The following PM20D1 variants were observed in gnomAD, a reference collection of about 807,000 sequenced individuals.
PM20D1 encodes N-fatty-acyl-amino acid synthase/hydrolase PM20D1.
Under a neutral mutation model 53.8 loss-of-function variants are expected in PM20D1, and 53 were observed. The observed-to-expected ratio is 0.98, with a 90% CI of 0.79 to 1.24. The LOEUF (loss-of-function observed/expected upper bound fraction) is 1.24, where lower values mean the gene tolerates loss of function less well. Ranked by LOEUF, PM20D1 falls within the 50% of genes most tolerant of loss-of-function variation. PM20D1 has a pLI of 0.00. For synonymous variants in PM20D1, 239 were observed against 241.3 expected (o/e 0.99, Z 0.09); for missense variants, 564 against 616.8 (o/e 0.91, Z 0.91).
intron 12 of PM20D1, 65 bp downstream of exon 12, chr1:205,830,205 GAGCATGGGGT>G: frequency 1.7e-6 from 2 of 1,150,706 alleles, no homozygotes; most frequent in Admixed American, 3.6e-5. Flanking sequence ...GGACTGCCAG[GAGCATGGGGT>G]AGGAAAAGGA....
intron 7 of PM20D1, 106 bp downstream of exon 7, chr1:205,842,570 G>T: frequency 9.0e-7 from 1 of 1,110,746 alleles, no homozygotes; most frequent in Non-Finnish European, 1.3e-6. Flanking sequence ...GTGAGAATAG[G>T]CAGAGTGCTG....
chr1:205,843,560 C>G lies in PM20D1; in HGVS notation c.827+107G>C. On this transcript the variant is annotated intron_variant, in intron 6 of 12. Transcript: ENST00000367136. ...GTCAATTTTTTATAGCATAGTTTCC[C>G]AGCCCAACTTTAGGGCAGGAAGCTT... is the stretch of plus-strand genomic sequence containing the variant. 2.0e-6 allele frequency: 3 copies of G among 1,477,108 alleles called. No individual in the cohort carries two copies. In the South Asian group the frequency reaches 4.1e-5, roughly 20 times the overall value. The allele number at this position is 1,477,108 out of a possible 1,614,324, so 91.5% of individuals were successfully genotyped here. A position where few individuals can be genotyped will look rare whatever the true frequency, so the allele number is the denominator to read the frequency against.
At chr1:205,833,538 C>G (rs1200887097) in intron 10 of PM20D1, among the ~76,000 whole-genome samples, 1 of 152,210 alleles carries the variant, frequency 6.6e-6, no homozygotes, top group Non-Finnish European at 1.5e-5. Flanking sequence ...CAAGTTTTCT[C>G]TCTTTGCTTC....
chr1:205,844,662 A>C, intron 4 of PM20D1, 149 bp downstream of exon 4: 2 of 664,780 alleles, frequency 3.0e-6, no homozygotes, highest in Non-Finnish European at 5.0e-6. Context: ...AGGTCCTTAG[A>C]TAGTCCTGGC....
intron 2 of PM20D1, 113 bp from the exon 3 acceptor site, chr1:205,845,670 T>TAAAGGAGGATG: frequency 1.2e-6 from 1 of 854,130 alleles, no homozygotes; most frequent in Non-Finnish European, 1.8e-6. Context: ...ACATGCATCC[T>TAAAGGAGGATG]CCTTTAGGAA....
intron 11 of PM20D1, 130 bp downstream of exon 11, chr1:205,832,468 T>A (rs1291827808): frequency 1.1e-6 from 1 of 941,574 alleles, no homozygotes. Context: ...ACAGTTCTAG[T>A]CTCATCAGGA....
chr1:205,837,234 A>G (rs1478862658), intron 10 of PM20D1, among the ~76,000 whole-genome samples: 1 of 152,240 alleles, frequency 6.6e-6, no homozygotes, highest in African/African-American at 2.4e-5. Flanking sequence ...GAATGAATAA[A>G]TGAAGGAAGA....
intron 10 of PM20D1, among the ~76,000 whole-genome samples, chr1:205,838,106 T>A (rs1364447554): frequency 6.6e-6 from 1 of 152,012 alleles, no homozygotes; most frequent in Non-Finnish European, 1.5e-5. Flanking sequence ...ATTAAAGTCC[T>A]CTCTGGGGAA....
intron 10 of PM20D1, among the ~76,000 whole-genome samples, chr1:205,833,385 G>C (rs913265283): frequency 1.3e-5 from 2 of 152,206 alleles, no homozygotes; most frequent in African/African-American, 2.4e-5. Flanking sequence ...CAGCCTCGGA[G>C]AACCTCAGAC....
intron 10 of PM20D1, among the ~76,000 whole-genome samples, chr1:205,836,056 A>G (rs931335308): frequency 6.6e-6 from 1 of 151,966 alleles, no homozygotes; most frequent in Non-Finnish European, 1.5e-5. Context: ...TTGTATTTTT[A>G]GTGGAGACGG....
chr1:205,849,609 A>G (rs1267801233), intron 1 of PM20D1, among the ~76,000 whole-genome samples: 1 of 152,104 alleles, frequency 6.6e-6, no homozygotes, highest in African/African-American at 2.4e-5. Flanking sequence ...CTGGTGTAAT[A>G]CTCGAGGCAA....
chr1:205,840,473 C>A, intron 9 of PM20D1, 150 bp from the exon 10 acceptor site: 2 of 626,380 alleles, frequency 3.2e-6, no homozygotes, highest in South Asian at 4.3e-5. Flanking sequence ...TGCCTCTTGT[C>A]TTCTCTGAAC....
In PM20D1 at chr1:205,830,507, G is replaced by C. The variant is rs1424831402; in HGVS notation, c.1286-128C>G. 1.1e-4 allele frequency: 70 copies of C among 651,878 alleles called. No individual in the cohort carries two copies. The East Asian group carries it at 1.9e-3, about 17-fold the overall frequency. The allele number at this position is 651,878 out of a possible 1,614,324, so 40.4% of individuals were successfully genotyped here. ...TACAGAGCAATGCCTGGGCTCTCCT[G>C]AAAGCGTATAGCTATCCTTACAAAA... On this transcript the variant is annotated intron_variant, in intron 11 of 12. Coordinates refer to ENST00000367136, the MANE Select transcript of PM20D1 (RefSeq NM_152491.5).
chr1:205,846,201 C>T lies in PM20D1; in HGVS notation c.257-644G>A, dbSNP rs189212841. On this transcript the variant is annotated intron_variant, in intron 2 of 12. Coordinates refer to ENST00000367136, the MANE Select transcript of PM20D1 (RefSeq NM_152491.5). ...AGGTGTTCGAAACCAGCCTGGCCCA[C>T]ATGGTGAAACCCCGTCTCTACTAAA... is the stretch of plus-strand genomic sequence containing the variant. Among the ~76,000 whole-genome samples the T allele has an allele frequency of 5.9e-5, 9 of 152,174 alleles. 1 individual carries two copies. Among genetic ancestry groups the T allele is most frequent in the Middle Eastern group, 6.8e-3 (2 of 294 alleles).
intron 10 of PM20D1, among the ~76,000 whole-genome samples, chr1:205,833,772 A>G (rs1414755088): frequency 6.6e-6 from 1 of 152,064 alleles, no homozygotes; most frequent in Non-Finnish European, 1.5e-5. Context: ...GTTGCTTTAA[A>G]ACTGCCTCTG....
In PM20D1 at chr1:205,840,237, A is replaced by G. The variant is rs1257301103; in HGVS notation, c.1116+15T>C. On this transcript the variant is annotated intron_variant, in intron 10 of 12. Coordinates refer to ENST00000367136, the MANE Select transcript of PM20D1 (RefSeq NM_152491.5). ...GATGCTGCATGAGTTGTTGTCTGGA[A>G]CATATGGTACATACCTCTTGGACTG... is the stretch of plus-strand genomic sequence containing the variant. 6.2e-7 allele frequency: 1 copy of G among 1,609,044 alleles called. No homozygotes were observed. Among genetic ancestry groups the G allele is most frequent in the Non-Finnish European group, 8.5e-7 (1 of 1,176,444 alleles).
chr1:205,843,896 A>T (rs969510054), intron 5 of PM20D1, 110 bp from the exon 6 acceptor site: 12 of 1,497,400 alleles, frequency 8.0e-6, no homozygotes, highest in Non-Finnish European at 1.1e-5. Context: ...AGGTAGCTTC[A>T]TGCTGCTTTA....
chr1:205,828,300 GA>G lies in PM20D1; in HGVS notation c.*319del. 4.3e-6 allele frequency: 1 copy of G among 231,216 alleles called. No individual in the cohort carries two copies. The highest frequency in any genetic ancestry group is 8.5e-6 in the Non-Finnish European group (1 of 118,242). The allele number at this position is 231,216 out of a possible 1,614,324, so 14.3% of individuals were successfully genotyped here. The stretch of plus-strand genomic sequence containing the variant: ...CTCCTATCAGGTAACAACTGGTTGA[GA>G]TTTCTCAAATCTACATTTGTTAAGT... On this transcript the variant is annotated 3_prime_UTR_variant, in exon 13 of 13. Coordinates refer to ENST00000367136, the MANE Select transcript of PM20D1 (RefSeq NM_152491.5).
intron 11 of PM20D1, 37 bp from the exon 12 acceptor site, chr1:205,830,416 T>C (rs373268701): frequency 6.8e-7 from 1 of 1,468,370 alleles, no homozygotes; most frequent in Non-Finnish European, 9.5e-7. Context: ...GGGCTTTACA[T>C]GAGCAATCAA....
Sources: allele counts gnomAD v4.1 joint callset (sites outside exome capture counted in the v4.1 genomes callset), GRCh38; gene constraint gnomAD v4.1.1; transcripts MANE v1.5; gene names NCBI Gene and HGNC (gene_info 2026-07-23, HGNC 2026-07-21).